Variants in CADPS2 observed in about 807,000 individuals in gnomAD.
CADPS2 encodes the protein calcium-dependent secretion activator 2.
Under a neutral mutation model 172.5 loss-of-function variants are expected in CADPS2, and 93 were observed. The ratio of observed to expected loss-of-function variants is 0.54; its 90% confidence interval spans 0.46 to 0.64. The LOEUF (loss-of-function observed/expected upper bound fraction) is 0.64, where lower values mean the gene tolerates loss of function less well. CADPS2 is among the 30% of genes least tolerant of loss of function. CADPS2 has a pLI of 0.00. For missense variants in CADPS2, 1,420 were observed against 1,565.9 expected, an observed-to-expected ratio of 0.91 and a Z score of 1.57; for synonymous variants, 546 against 555.2, an observed-to-expected ratio of 0.98 and a Z score of 0.23.
intron 2 of CADPS2, among the ~76,000 whole-genome samples, chr7:122,672,573 T>C (rs985718499): frequency 3.4e-5 from 5 of 148,768 alleles, no homozygotes; most frequent in Non-Finnish European, 7.5e-5. Flanking sequence ...AGTAACTGGC[T>C]TGAGGTCACA....
chr7:122,425,425 C>T (rs1454653810), intron 17 of CADPS2, among the ~76,000 whole-genome samples: 2 of 72,674 alleles, frequency 2.8e-5, no homozygotes, highest in African/African-American at 5.4e-5. Flanking sequence ...CTATCTCTAC[C>T]AAAAAAAAAA....
intron 3 of CADPS2, among the ~76,000 whole-genome samples, chr7:122,645,512 AC>A (rs2078374957): frequency 8.2e-6 from 1 of 121,964 alleles, no homozygotes; most frequent in South Asian, 2.4e-4. Context: ...GTATATATAT[AC>A]TTATATATAT....
At chr7:122,663,632 C>T (rs575729600) in intron 2 of CADPS2, 63 bp from the exon 3 acceptor site, 326 of 1,239,886 alleles carry the variant, frequency 2.6e-4, no homozygotes, top group Admixed American at 2.0e-3. Context: ...GATGCTAACA[C>T]CACTTGCTTT....
intron 15 of CADPS2, among the ~76,000 whole-genome samples, chr7:122,444,108 ATAGTT>A (rs1330200984): frequency 1.3e-5 from 2 of 152,232 alleles, no homozygotes; most frequent in East Asian, 3.9e-4. Flanking sequence ...TTCACTTAGC[ATAGTT>A]ATCTTGATAT....
intron 2 of CADPS2, among the ~76,000 whole-genome samples, chr7:122,724,273 T>G (rs1390746743): frequency 3.3e-5 from 5 of 152,046 alleles, no homozygotes; most frequent in African/African-American, 1.2e-4. Context: ...CTTGCCTTGT[T>G]CATCTTTTTA....
At chr7:122,530,625 A>G (rs2061676816) in intron 8 of CADPS2, among the ~76,000 whole-genome samples, 1 of 152,182 alleles carries the variant, frequency 6.6e-6, no homozygotes, top group Admixed American at 6.5e-5. Flanking sequence ...AGACAACAGT[A>G]AGTTATAACC....
At chr7:122,645,404 C>CAT (rs1167678757) in intron 3 of CADPS2, among the ~76,000 whole-genome samples, 686 of 26,210 alleles carry the variant, frequency 0.026, 38 homozygotes, top group African/African-American at 0.049. Flanking sequence ...TATATATGTA[C>CAT]ATATACACAC....
intron 14 of CADPS2, among the ~76,000 whole-genome samples, chr7:122,451,685 C>G (rs1331771408): frequency 6.6e-6 from 1 of 151,838 alleles, no homozygotes; most frequent in African/African-American, 2.4e-5. Context: ...TTTTAGACAG[C>G]CTTCAAGGTA....
intron 7 of CADPS2, among the ~76,000 whole-genome samples, chr7:122,558,376 T>A (rs2132114797): frequency 6.6e-6 from 1 of 152,316 alleles, no homozygotes; most frequent in South Asian, 2.1e-4. Flanking sequence ...TACAAATAAC[T>A]TTTAATATTA....
intron 1 of CADPS2, among the ~76,000 whole-genome samples, chr7:122,786,765 T>C (rs1794144087): frequency 6.6e-6 from 1 of 152,120 alleles, no homozygotes; most frequent in Non-Finnish European, 1.5e-5. Flanking sequence ...CATTTTTTTT[T>C]CTATAAGAGT....
chr7:122,811,311 T>A (rs190345319), intron 1 of CADPS2, among the ~76,000 whole-genome samples: 29 of 152,280 alleles, frequency 1.9e-4, no homozygotes, highest in Non-Finnish European at 3.7e-4. Flanking sequence ...GCCTTCCAAG[T>A]TAATCTGGAG....
At chr7:122,498,834 G>T (rs2058969096) in intron 9 of CADPS2, among the ~76,000 whole-genome samples, 1 of 151,988 alleles carries the variant, frequency 6.6e-6, no homozygotes, top group African/African-American at 2.4e-5. Flanking sequence ...TTATGTATGT[G>T]AGAGCTGTAT....
chr7:122,527,621 T>G (rs112011234), intron 8 of CADPS2, among the ~76,000 whole-genome samples: 1 of 84,502 alleles, frequency 1.2e-5, no homozygotes, highest in Admixed American at 1.2e-4. Flanking sequence ...AGAGAGAGTG[T>G]GTGTGTGTGT....
intron 6 of CADPS2, among the ~76,000 whole-genome samples, chr7:122,614,106 G>A (rs2074616258): frequency 6.6e-6 from 1 of 151,920 alleles, no homozygotes; most frequent in Non-Finnish European, 1.5e-5. Context: ...CACTGAGAAT[G>A]GGTGGATAAG....
intron 9 of CADPS2, among the ~76,000 whole-genome samples, chr7:122,496,825 T>C (rs943887004): frequency 6.6e-6 from 1 of 152,184 alleles, no homozygotes; most frequent in Non-Finnish European, 1.5e-5. Flanking sequence ...TCAGTGATTA[T>C]TCACGTCCAT....
At chr7:122,740,422 A>C (rs910783976) in intron 1 of CADPS2, among the ~76,000 whole-genome samples, 3 of 152,174 alleles carry the variant, frequency 2.0e-5, no homozygotes, top group Non-Finnish European at 4.4e-5. Context: ...CCTTAAATGC[A>C]TATTACTATG....
intron 28 of CADPS2, among the ~76,000 whole-genome samples, chr7:122,327,055 G>A (rs1041595069): frequency 6.6e-6 from 1 of 151,930 alleles, no homozygotes; most frequent in Non-Finnish European, 1.5e-5. Flanking sequence ...CCTTCCTAAT[G>A]AGCACTTTCC....
chr7:122,486,754 T>C (rs1291477704), intron 11 of CADPS2, among the ~76,000 whole-genome samples: 1 of 152,166 alleles, frequency 6.6e-6, no homozygotes, highest in African/African-American at 2.4e-5. Flanking sequence ...AGAAAATCTT[T>C]CGTGAAAGAA....
At chr7:122,577,268 C>A (rs1384839855) in intron 7 of CADPS2, among the ~76,000 whole-genome samples, 3 of 152,102 alleles carry the variant, frequency 2.0e-5, no homozygotes, top group African/African-American at 7.2e-5. Context: ...TGGGCTAATA[C>A]TGCGTATAAC....
Sources: allele counts gnomAD v4.1 joint callset (sites outside exome capture counted in the v4.1 genomes callset), GRCh38; gene constraint gnomAD v4.1.1; transcripts MANE v1.5; gene names NCBI Gene and HGNC (gene_info 2026-07-23, HGNC 2026-07-21).